UNC5D: variants seen among roughly 807,000 people sequenced by gnomAD.
UNC5D encodes the protein netrin receptor UNC5D.
In UNC5D, 39 loss-of-function variants were observed where a neutral mutation model predicts 105.4. That is an observed-to-expected ratio of 0.37 (90% confidence interval 0.29 to 0.48). The LOEUF (loss-of-function observed/expected upper bound fraction) is 0.48. Among genes scored for constraint, UNC5D ranks in the 20% least tolerant of loss-of-function variants. The pLI, the probability that UNC5D is intolerant of heterozygous loss-of-function variation, is 0.98. For synonymous variants in UNC5D, 452 were observed against 450.4 expected (o/e 1.00, Z -0.04); for missense variants, 991 against 1,202.4 (o/e 0.82, Z 2.60).
At chr8:35,730,989 C>A (rs1347488363) in intron 10 of UNC5D, 23 bp from the exon 11 acceptor site, 1 of 1,610,418 alleles carries the variant, frequency 6.2e-7, no homozygotes, top group South Asian at 1.1e-5. Flanking sequence ...CTATGAATAA[C>A]CTGTTGGCTT....
chr8:35,723,575 T>G, intron 9 of UNC5D, among the ~76,000 whole-genome samples: 1 of 151,956 alleles, frequency 6.6e-6, no homozygotes, highest in East Asian at 1.9e-4. Flanking sequence ...TTTTGTTTTA[T>G]TTTTATTTTT....
chr8:35,569,942 T>C (rs888527690), intron 3 of UNC5D, among the ~76,000 whole-genome samples: 3 of 152,152 alleles, frequency 2.0e-5, no homozygotes, highest in Non-Finnish European at 2.9e-5. Context: ...TACTCTGAAC[T>C]ACTGTAAATA....
intron 1 of UNC5D, among the ~76,000 whole-genome samples, chr8:35,476,912 T>C (rs2129918874): frequency 6.6e-6 from 1 of 152,342 alleles, no homozygotes; most frequent in Non-Finnish European, 1.5e-5. Flanking sequence ...TTAATATTGA[T>C]TTCCATTCTG....
intron 4 of UNC5D, among the ~76,000 whole-genome samples, chr8:35,674,241 A>G (rs1480980430): frequency 6.6e-6 from 1 of 152,178 alleles, no homozygotes; most frequent in Admixed American, 6.5e-5. Context: ...TAATGGTGAT[A>G]AGTTTCTGTA....
chr8:35,677,364 G>A (rs1825312757), intron 4 of UNC5D, among the ~76,000 whole-genome samples: 1 of 152,114 alleles, frequency 6.6e-6, no homozygotes, highest in Admixed American at 6.6e-5. Flanking sequence ...TCTTTAACAT[G>A]CAAGCAGTGC....
intron 1 of UNC5D, among the ~76,000 whole-genome samples, chr8:35,461,407 T>G (rs1015478126): frequency 6.6e-6 from 1 of 152,156 alleles, no homozygotes; most frequent in South Asian, 2.1e-4. Flanking sequence ...AGGTTGCACT[T>G]GGAAAGGGTC....
At chr8:35,641,366 C>CAAAAAAAAAAAAA (rs377021599) in intron 4 of UNC5D, among the ~76,000 whole-genome samples, 81 of 44,238 alleles carry the variant, frequency 1.8e-3, no homozygotes, top group East Asian at 3.4e-3. Flanking sequence ...AAAAATAAAG[C>CAAAAAAAAAAAAA]AAAAAAAAAA....
chr8:35,487,500 T>C (rs546718484), intron 1 of UNC5D, among the ~76,000 whole-genome samples: 1 of 152,160 alleles, frequency 6.6e-6, no homozygotes, highest in Non-Finnish European at 1.5e-5. Context: ...TTTAGACATA[T>C]CTAGCCCTTC....
intron 3 of UNC5D, among the ~76,000 whole-genome samples, chr8:35,579,949 G>C (rs1046462995): frequency 1.3e-5 from 2 of 152,136 alleles, no homozygotes; most frequent in Non-Finnish European, 2.9e-5. Context: ...AACTTCTGCA[G>C]GCATAGCATA....
intron 1 of UNC5D, among the ~76,000 whole-genome samples, chr8:35,387,526 G>A (rs987687666): frequency 6.6e-6 from 1 of 152,030 alleles, no homozygotes; most frequent in African/African-American, 2.4e-5. Flanking sequence ...TTTTGCTAGT[G>A]CTGGAACCTT....
chr8:35,596,586 A>G (rs2958251), intron 4 of UNC5D, among the ~76,000 whole-genome samples: 13,916 of 152,178 alleles, frequency 0.091, 665 homozygotes, highest in Middle Eastern at 0.11. Context: ...GTCAGAGCAC[A>G]GTTTGGTTTT....
At chr8:35,551,498 G>A (rs1816135814) in intron 2 of UNC5D, among the ~76,000 whole-genome samples, 1 of 152,064 alleles carries the variant, frequency 6.6e-6, no homozygotes, top group Non-Finnish European at 1.5e-5. Context: ...CAGAAGACAG[G>A]GATAGGAGTA....
intron 14 of UNC5D, among the ~76,000 whole-genome samples, chr8:35,763,478 T>C (rs187615513): frequency 7.3e-5 from 11 of 151,234 alleles, no homozygotes; most frequent in Non-Finnish European, 1.0e-4. Context: ...AGGCAAGCAT[T>C]ACCAAAGATT....
At chr8:35,559,804 A>C (rs1404282577) in intron 2 of UNC5D, among the ~76,000 whole-genome samples, 1 of 152,142 alleles carries the variant, frequency 6.6e-6, no homozygotes, top group African/African-American at 2.4e-5. Context: ...TAGTTTGAAA[A>C]TCCTCTAACT....
intron 1 of UNC5D, among the ~76,000 whole-genome samples, chr8:35,314,449 T>C (rs774934084): frequency 6.6e-6 from 1 of 152,110 alleles, no homozygotes; most frequent in African/African-American, 2.4e-5. Context: ...AAAACATCCA[T>C]ATCATGTAAG....
chr8:35,324,233 CAAAAA>C (rs569409228), intron 1 of UNC5D, among the ~76,000 whole-genome samples: 9 of 62,794 alleles, frequency 1.4e-4, no homozygotes, highest in Non-Finnish European at 2.6e-4. Flanking sequence ...ACCCTGTCTC[CAAAAA>C]AAAAAAAAAA....
chr8:35,580,683 G>T (rs779510086), intron 3 of UNC5D, among the ~76,000 whole-genome samples: 1 of 152,148 alleles, frequency 6.6e-6, no homozygotes, highest in Non-Finnish European at 1.5e-5. Flanking sequence ...TACATTTGAC[G>T]TGAAGGGCTC....
At chr8:35,729,053 G>C (rs1829048705) in intron 10 of UNC5D, among the ~76,000 whole-genome samples, 1 of 152,314 alleles carries the variant, frequency 6.6e-6, no homozygotes, top group East Asian at 1.9e-4. Flanking sequence ...GGCAGGAGGA[G>C]TGGGGGAAGT....
At chr8:35,420,846 A>G (rs1370160962) in intron 1 of UNC5D, among the ~76,000 whole-genome samples, 1 of 152,100 alleles carries the variant, frequency 6.6e-6, no homozygotes, top group Non-Finnish European at 1.5e-5. Flanking sequence ...CAGGAGAACT[A>G]TAAAAAAATC....
Sources: gnomAD v4.1 joint callset for allele counts (sites outside exome capture counted in the v4.1 genomes callset) on GRCh38, gnomAD v4.1.1 for gene constraint, MANE v1.5 for transcripts, NCBI Gene and HGNC (gene_info 2026-07-23, HGNC 2026-07-21) for gene names.